The following RBFOX1 variants were observed in gnomAD, a reference collection of about 807,000 sequenced individuals.
RBFOX1 encodes the protein RNA binding protein fox-1 homolog 1.
In RBFOX1, 8 loss-of-function variants were observed where a neutral mutation model predicts 57.7. The observed-to-expected ratio is 0.14, with a 90% CI of 0.08 to 0.25. The LOEUF is 0.25. Ranked by LOEUF, RBFOX1 falls within the 10% of genes least tolerant of loss-of-function variation. The pLI is 1.00. For missense variants in RBFOX1, 611 were observed against 548.5 expected (o/e 1.11, Z -1.14); for synonymous variants, 326 against 222.4 (o/e 1.47, Z -4.15).
intron 4 of RBFOX1, among the ~76,000 whole-genome samples, chr16:7,268,386 C>G (rs549638877): frequency 2.0e-5 from 3 of 152,306 alleles, no homozygotes; most frequent in Admixed American, 6.5e-5. Flanking sequence ...AGGACTCGCT[C>G]TCACTCTTAC....
At chr16:6,575,481 A>G (rs1362489327) in intron 2 of RBFOX1, among the ~76,000 whole-genome samples, 1 of 152,216 alleles carries the variant, frequency 6.6e-6, no homozygotes, top group East Asian at 1.9e-4. Context: ...TCATAAAAGC[A>G]TCACTGATCT....
At chr16:5,691,879 G>A (rs1306391498) in intron 3 of RBFOX1, among the ~76,000 whole-genome samples, 1 of 152,300 alleles carries the variant, frequency 6.6e-6, no homozygotes, top group East Asian at 1.9e-4. Flanking sequence ...ATCCAGTTGG[G>A]ATTCAAGCCA....
intron 13 of RBFOX1, among the ~76,000 whole-genome samples, chr16:7,668,187 C>T (rs925890457): frequency 6.6e-6 from 1 of 152,164 alleles, no homozygotes; most frequent in Non-Finnish European, 1.5e-5. Flanking sequence ...GTCCTTTGTT[C>T]TTCAAGGTCT....
At chr16:7,201,716 G>A (rs560158014) in intron 4 of RBFOX1, among the ~76,000 whole-genome samples, 1 of 152,190 alleles carries the variant, frequency 6.6e-6, no homozygotes, top group South Asian at 2.1e-4. Context: ...ACCCACCTCA[G>A]CCTCCCAAAG....
chr16:7,014,405 A>G (rs1410594234), intron 3 of RBFOX1, among the ~76,000 whole-genome samples: 2 of 150,338 alleles, frequency 1.3e-5, no homozygotes, highest in African/African-American at 4.9e-5. Context: ...TTTTGTTTTT[A>G]TTTTATTTTA....
intron 3 of RBFOX1, among the ~76,000 whole-genome samples, chr16:6,864,284 T>G (rs190534512): frequency 4.6e-5 from 7 of 152,268 alleles, no homozygotes; most frequent in African/African-American, 1.4e-4. Flanking sequence ...AAATAAGAAA[T>G]TAGAGAACAC....
chr16:6,139,365 C>A (rs981523953), intron 1 of RBFOX1, among the ~76,000 whole-genome samples: 24 of 152,218 alleles, frequency 1.6e-4, no homozygotes, highest in Admixed American at 9.2e-4. Flanking sequence ...CTGCTGCTTT[C>A]TGGCTGTGTG....
At chr16:7,293,491 A>G (rs1603533038) in intron 4 of RBFOX1, among the ~76,000 whole-genome samples, 4 of 152,274 alleles carry the variant, frequency 2.6e-5, no homozygotes, top group Admixed American at 2.6e-4. Context: ...TCATACATGC[A>G]TCATTTAGTG....
intron 2 of RBFOX1, among the ~76,000 whole-genome samples, chr16:5,477,437 C>T (rs1369845233): frequency 6.6e-6 from 1 of 152,152 alleles, no homozygotes; most frequent in Non-Finnish European, 1.5e-5. Flanking sequence ...CTCAGCCCCT[C>T]CTGGGGACAG....
chr16:6,630,971 TG>T (rs1384210343), intron 2 of RBFOX1, among the ~76,000 whole-genome samples: 1 of 152,098 alleles, frequency 6.6e-6, no homozygotes, highest in Admixed American at 6.6e-5. Context: ...CATTTAGATT[TG>T]GGGGAGGGAA....
At chr16:5,447,234 T>C (rs2068270203) in intron 1 of RBFOX1, among the ~76,000 whole-genome samples, 1 of 152,104 alleles carries the variant, frequency 6.6e-6, no homozygotes, top group South Asian at 2.1e-4. Context: ...GCAGTGTGTG[T>C]GATTATAAGA....
intron 3 of RBFOX1, among the ~76,000 whole-genome samples, chr16:6,834,610 T>G (rs1177609720): frequency 6.6e-6 from 1 of 152,188 alleles, no homozygotes; most frequent in Non-Finnish European, 1.5e-5. Flanking sequence ...GGTGTTTGTT[T>G]GGGATGACTA....
At chr16:6,315,894 A>G (rs1164321890) in intron 1 of RBFOX1, among the ~76,000 whole-genome samples, 1 of 152,190 alleles carries the variant, frequency 6.6e-6, no homozygotes, top group Non-Finnish European at 1.5e-5. Context: ...ATATCCACAT[A>G]CATACACATA....
intron 3 of RBFOX1, among the ~76,000 whole-genome samples, chr16:6,745,093 TAAATTCCTTGAAAGAGATCTAA>T (rs2073257417): frequency 6.6e-6 from 1 of 152,090 alleles, no homozygotes; most frequent in African/African-American, 2.4e-5. Flanking sequence ...GTGAAATGGG[TAAATTCCTTGAAAGAGATCTAA>T]GAAAGCTCAC....
At chr16:7,671,491 C>A in intron 13 of RBFOX1, 1 of 1,416,242 alleles carries the variant, frequency 7.1e-7, no homozygotes, top group Non-Finnish European at 9.9e-7. Context: ...ATTTGTCTGA[C>A]TTATGCATTC....
At chr16:6,755,281 G>A (rs565676909) in intron 3 of RBFOX1, among the ~76,000 whole-genome samples, 134 of 152,220 alleles carry the variant, frequency 8.8e-4, no homozygotes, top group African/African-American at 2.9e-3. Flanking sequence ...TCGCCACACC[G>A]ACTTCCACAA....
intron 1 of RBFOX1, among the ~76,000 whole-genome samples, chr16:5,415,385 C>T (rs1263572779): frequency 1.3e-5 from 2 of 152,156 alleles, no homozygotes; most frequent in African/African-American, 2.4e-5. Context: ...ATGATGCAGT[C>T]ACTTCCCACC....
Position 6,994,945 on chromosome 16 carries a change from T to TTGTGTG in RBFOX1, c.-15-57088_-15-57083dup, listed in dbSNP as rs145095044. ...TTGGGCATGTGATTCTTGCATTATTTTGTGTGTGTGTGTGTGTGTGTGTGT... is the reference window on the plus strand; with the variant it reads ...TTGGGCATGTGATTCTTGCATTATTTTGTGTGTGTGTGTGTGTGTGTGTGTGTGTGT... On this transcript the variant is annotated intron_variant, in intron 3 of 15. Coordinates refer to ENST00000550418, the MANE Select transcript of RBFOX1 (RefSeq NM_018723.4). Among the ~76,000 whole-genome samples, 360 of 148,098 alleles carry TTGTGTG rather than the reference T, an allele frequency of 2.4e-3. 2 individuals carry two copies. Among genetic ancestry groups the TTGTGTG allele is most frequent in the African/African-American group, 7.9e-3 (317 of 40,328 alleles).
intron 4 of RBFOX1, among the ~76,000 whole-genome samples, chr16:7,098,187 A>G (rs1392066808): frequency 6.6e-6 from 1 of 152,214 alleles, no homozygotes; most frequent in South Asian, 2.1e-4. Flanking sequence ...TTATTTATTT[A>G]GAGACAGAGT....
Sources: allele counts gnomAD v4.1 joint callset (sites outside exome capture counted in the v4.1 genomes callset), GRCh38; gene constraint gnomAD v4.1.1; transcripts MANE v1.5; gene names NCBI Gene and HGNC (gene_info 2026-07-23, HGNC 2026-07-21).